Variants in PCDHGA2 observed in about 807,000 individuals in gnomAD.
PCDHGA2 encodes protocadherin gamma-A2.
A neutral mutation model predicts 59.2 loss-of-function variants in PCDHGA2; 40 were observed. The ratio of observed to expected loss-of-function variants is 0.68; its 90% CI spans 0.52 to 0.88. The LOEUF is 0.88. Ranked by LOEUF, PCDHGA2 falls within the 40% of genes least tolerant of loss-of-function variation. PCDHGA2 has a pLI of 0.00. For missense variants in PCDHGA2, 1,226 were observed against 1,204.0 expected, an observed-to-expected ratio of 1.02 and a Z score of -0.27; for synonymous variants, 560 against 526.0, an observed-to-expected ratio of 1.06 and a Z score of -0.89.
Position 141,383,585 on chromosome 5 carries a change from A to G in PCDHGA2, c.2424+42190A>G, listed in dbSNP as rs1779292169. The stretch of plus-strand genomic sequence containing the variant: ...CCCCGATCCAGCACCGCCCACATCC[A>G]GGTGACAGTGGTGGATGTGAATGAC... On this transcript the variant is annotated intron_variant, in intron 1 of 3. Coordinates refer to ENST00000394576, the MANE Select transcript of PCDHGA2 (RefSeq NM_018915.4). The G allele has an allele frequency of 4.3e-6, 7 of 1,613,646 alleles. No individual in the cohort carries two copies. Among genetic ancestry groups the G allele is most frequent in the Non-Finnish European group, 5.9e-6 (7 of 1,179,852 alleles).
Position 141,351,785 on chromosome 5 carries a change from G to A in PCDHGA2, c.2424+10390G>A, listed in dbSNP as rs747419202. ...CGTGTCCGTGAGCCCGCAGAGCGGG[G>A]TGGTGTTCGCGCAGCGCGCCTTCGA... is the stretch of plus-strand genomic sequence containing the variant. On this transcript the variant is annotated intron_variant, in intron 1 of 3. Coordinates refer to ENST00000394576, the MANE Select transcript of PCDHGA2 (RefSeq NM_018915.4). The A allele has an allele frequency of 1.1e-5, 18 of 1,613,318 alleles. No individual in the cohort carries two copies. The Admixed American group carries it at 2.8e-4, about 25-fold the overall frequency.
At chr5:141,409,872 A>T in intron 1 of PCDHGA2, 1 of 1,612,828 alleles carries the variant, frequency 6.2e-7, no homozygotes. Context: ...GACCGCAATG[A>T]CAACGCACCG....
At chr5:141,395,495 T>A (rs182989344) in intron 1 of PCDHGA2, 1 of 498,616 alleles carries the variant, frequency 2.0e-6, no homozygotes, top group East Asian at 3.5e-5. Context: ...TATCACTCAT[T>A]CACTTAAGAA....
intron 1 of PCDHGA2, chr5:141,419,148 C>A: frequency 6.2e-7 from 1 of 1,613,940 alleles, no homozygotes; most frequent in Admixed American, 1.7e-5. Flanking sequence ...AGGGGCAAGC[C>A]TCCGTTATCC....
chr5:141,365,680 C>A (rs1281360154), intron 1 of PCDHGA2: 1 of 1,613,514 alleles, frequency 6.2e-7, no homozygotes, highest in South Asian at 1.1e-5. Flanking sequence ...ACAACCCACC[C>A]AATTTCCCTC....
intron 1 of PCDHGA2, among the ~76,000 whole-genome samples, chr5:141,453,679 T>C (rs960698192): frequency 2.0e-5 from 3 of 152,230 alleles, no homozygotes; most frequent in Non-Finnish European, 2.9e-5. Context: ...GGTAACACAC[T>C]ATGTAGGTAG....
chr5:141,366,476 C>T (rs760870646), intron 1 of PCDHGA2: 41 of 1,614,144 alleles, frequency 2.5e-5, no homozygotes, highest in Non-Finnish European at 3.1e-5. Flanking sequence ...GGTGCTCAGA[C>T]TGAGGCGCTG....
chr5:141,408,082 G>A, intron 1 of PCDHGA2: 1 of 1,417,366 alleles, frequency 7.1e-7, no homozygotes, highest in Non-Finnish European at 9.3e-7. Context: ...TCCCAGCACA[G>A]CGGATTGCCA....
intron 1 of PCDHGA2, chr5:141,419,005 C>G: frequency 6.2e-7 from 1 of 1,613,944 alleles, no homozygotes; most frequent in Non-Finnish European, 8.5e-7. Context: ...ATGGGGAAGT[C>G]AGGTGTAGCT....
intron 1 of PCDHGA2, chr5:141,375,695 G>A (rs540188136): frequency 3.1e-6 from 5 of 1,614,132 alleles, no homozygotes; most frequent in Middle Eastern, 1.6e-4. Flanking sequence ...CAGCGACAGC[G>A]GGGACCCGCC....
intron 1 of PCDHGA2, chr5:141,404,270 C>T (rs1359018673): frequency 5.0e-6 from 8 of 1,614,010 alleles, no homozygotes; most frequent in Non-Finnish European, 6.8e-6. Flanking sequence ...TCACATCACC[C>T]TGCAAGTGAC....
At chr5:141,388,692 G>A (rs2091455947) in intron 1 of PCDHGA2, 1 of 1,613,870 alleles carries the variant, frequency 6.2e-7, no homozygotes, top group Non-Finnish European at 8.5e-7. Flanking sequence ...CACGGACCAG[G>A]ATGAGGGTGT....
chr5:141,476,234 G>A lies in PCDHGA2; in HGVS notation c.2425-18573G>A. 6.2e-7 allele frequency: 1 copy of A among 1,614,070 alleles called. No individual in the cohort carries two copies. The highest frequency in any genetic ancestry group is 8.5e-7 in the Non-Finnish European group (1 of 1,180,014). On this transcript the variant is annotated intron_variant, in intron 1 of 3. Coordinates refer to ENST00000394576, the MANE Select transcript of PCDHGA2 (RefSeq NM_018915.4). The surrounding 1 kb of genome is among the most constrained non-coding windows in gnomAD (Gnocchi z 7.6). Reference sequence around the variant, plus strand: ...GGTCATTCACTATGAGATCCCGGAGGAAAGAGAGAAGGGTTTCGCTGTGGG... The same window carrying A: ...GGTCATTCACTATGAGATCCCGGAGAAAAGAGAGAAGGGTTTCGCTGTGGG...
Position 141,476,241 on chromosome 5 carries a change from A to G in PCDHGA2, c.2425-18566A>G, listed in dbSNP as rs375405507. ...CACTATGAGATCCCGGAGGAAAGAG[A>G]GAAGGGTTTCGCTGTGGGCAACGTG... On this transcript the variant is annotated intron_variant, in intron 1 of 3. Transcript: ENST00000394576. The surrounding 1 kb of genome is among the most constrained non-coding windows in gnomAD (Gnocchi z 7.6). 3.7e-6 allele frequency: 6 copies of G among 1,613,626 alleles called. No homozygotes were observed. The highest frequency in any genetic ancestry group is 2.2e-5 in the East Asian group (1 of 44,834).
chr5:141,413,390 C>G, intron 1 of PCDHGA2: 1 of 1,614,010 alleles, frequency 6.2e-7, no homozygotes, highest in Non-Finnish European at 8.5e-7. Context: ...CGCATAGTCT[C>G]CAGAGGTAGG....
At chr5:141,461,974 C>T (rs2099027742) in intron 1 of PCDHGA2, among the ~76,000 whole-genome samples, 1 of 152,202 alleles carries the variant, frequency 6.6e-6, no homozygotes, top group Non-Finnish European at 1.5e-5. Context: ...CAGGCATATG[C>T]CACCACGCCA....
At chr5:141,413,605 G>A in intron 1 of PCDHGA2, 1 of 1,613,854 alleles carries the variant, frequency 6.2e-7, no homozygotes, top group Non-Finnish European at 8.5e-7. Flanking sequence ...AAATCTAGAC[G>A]TAAAAATTAA....
At position 141,490,776 on chromosome 5, in the gene PCDHGA2, G is replaced by A. The variant is rs1234115299; in HGVS notation, c.2425-4031G>A. 4.3e-6 allele frequency: 7 copies of A among 1,614,162 alleles called. No individual in the cohort carries two copies. Among genetic ancestry groups the A allele is most frequent in the African/African-American group, 1.3e-5 (1 of 75,066 alleles). On this transcript the variant is annotated intron_variant, in intron 1 of 3. Transcript: ENST00000394576. This position sits in a 1 kb window ranked among gnomAD's most constrained non-coding sequence, Gnocchi z 5.4. ...CCTCCTTTGTGTATGTCAACCCAGA[G>A]GATGGACGGATCTTTGCCCAGCGTA...
At chr5:141,375,474 A>G (rs369592332) in intron 1 of PCDHGA2, 1 of 1,613,772 alleles carries the variant, frequency 6.2e-7, no homozygotes, top group African/African-American at 1.3e-5. Flanking sequence ...GTCCTTGAAA[A>G]CAACCCCAGG....
Sources: allele counts gnomAD v4.1 joint callset (sites outside exome capture counted in the v4.1 genomes callset), GRCh38; gene constraint gnomAD v4.1.1; non-coding constraint Gnocchi (gnomAD v3.1); transcripts MANE v1.5; gene names NCBI Gene and HGNC (gene_info 2026-07-23, HGNC 2026-07-21).